Variants in LOXL2 observed in about 807,000 individuals in gnomAD.
The protein encoded by LOXL2 is lysyl oxidase like 2.
Under a neutral mutation model 93.0 loss-of-function variants are expected in LOXL2, and 70 were observed. The observed-to-expected ratio is 0.75, with a 90% CI of 0.62 to 0.92. The LOEUF is 0.92. Among genes scored for constraint, LOXL2 ranks in the 40% least tolerant of loss-of-function variants. The pLI, the probability that LOXL2 is intolerant of heterozygous loss-of-function variation, is 0.00. For missense variants in LOXL2, 973 were observed against 1,054.9 expected (o/e 0.92, Z 1.08); for synonymous variants, 438 against 413.2 (o/e 1.06, Z -0.73).
At chr8:23,391,727 A>G (rs376039723) in intron 1 of LOXL2, among the ~76,000 whole-genome samples, 140 of 152,318 alleles carry the variant, frequency 9.2e-4, no homozygotes, top group African/African-American at 3.0e-3. Context: ...TCCAGGGATT[A>G]TAGGGATGGG....
intron 11 of LOXL2, among the ~76,000 whole-genome samples, chr8:23,302,845 G>A (rs928632958): frequency 1.3e-5 from 2 of 151,782 alleles, no homozygotes; most frequent in Non-Finnish European, 1.5e-5. Flanking sequence ...CACACCTGCC[G>A]GGACGGGGGG....
intron 3 of LOXL2, among the ~76,000 whole-genome samples, chr8:23,344,701 G>T (rs192421688): frequency 6.6e-6 from 1 of 152,150 alleles, no homozygotes; most frequent in East Asian, 1.9e-4. Context: ...TGTCACATGG[G>T]TCTCTGTATG....
At chr8:23,366,407 G>T (rs1464737772) in intron 2 of LOXL2, among the ~76,000 whole-genome samples, 1 of 152,220 alleles carries the variant, frequency 6.6e-6, no homozygotes, top group Admixed American at 6.5e-5. Context: ...TCAATTGCAT[G>T]GAGGTGAGAT....
At chr8:23,382,460 T>C (rs916032115) in intron 1 of LOXL2, 2 of 143,734 alleles carry the variant, frequency 1.4e-5, no homozygotes, top group African/African-American at 5.3e-5. Flanking sequence ...AAGCTTGCAG[T>C]CAGCCAAGAT....
chr8:23,400,442 A>C (rs1246140014), intron 1 of LOXL2, among the ~76,000 whole-genome samples: 2 of 152,230 alleles, frequency 1.3e-5, no homozygotes, highest in African/African-American at 4.8e-5. Flanking sequence ...ATCTACCCCC[A>C]TGATTCAATT....
In LOXL2 at chr8:23,307,953, G is replaced by GGAAGAAAAAAA. The variant is rs58347035; in HGVS notation, c.1880+1714_1880+1715insTTTTTTTCTTC. ...GTGACTAGGTCATCAGCTGCGATAT[G>GGAAGAAAAAAA]AAAAAAAAAAAAAAAAAAAAGCCAA... On this transcript the variant is annotated intron_variant, in intron 10 of 13. Transcript: ENST00000389131. Among the ~76,000 whole-genome samples, 15 of 83,522 alleles carry GGAAGAAAAAAA rather than the reference G, an allele frequency of 1.8e-4. 1 individual carries two copies. Among genetic ancestry groups the GGAAGAAAAAAA allele is most frequent in the African/African-American group, 6.2e-4 (13 of 21,090 alleles). The allele number at this position is 83,522 out of a possible 152,430, so 54.8% of individuals were successfully genotyped here.
At position 23,317,824 on chromosome 8, in the gene LOXL2, G is replaced by A. The variant is rs1317298752; in HGVS notation, c.1471-710C>T. ...AGCAGAATTGGGATCGTCAGGTACAGAAACGGGATGAGAACACAGGTGCTG... is the reference window on the plus strand; with the variant it reads ...AGCAGAATTGGGATCGTCAGGTACAAAAACGGGATGAGAACACAGGTGCTG... On this transcript the variant is annotated intron_variant, in intron 8 of 13. Coordinates refer to ENST00000389131, the MANE Select transcript of LOXL2 (RefSeq NM_002318.3). Among the ~76,000 whole-genome samples the A allele has an allele frequency of 2.8e-4, 42 of 152,266 alleles. 1 individual carries two copies. Among genetic ancestry groups the A allele is most frequent in the Non-Finnish European group, 7.3e-5 (5 of 68,028 alleles).
chr8:23,372,053 CAAAT>C lies in LOXL2; in HGVS notation c.-83-3623_-83-3620del, dbSNP rs148549433. 1.2e-3 allele frequency among the ~76,000 whole-genome samples: 187 copies of C among 151,698 alleles called. No homozygotes were observed. The East Asian group carries it at 0.018, about 15-fold the overall frequency. Reference sequence around the variant, plus strand: ...TTAATCCAAAATTGAAGCAATAAAACAAATAAAAAGTAACATAAAACAATTGTTA... The same window carrying C: ...TTAATCCAAAATTGAAGCAATAAAACAAAAAGTAACATAAAACAATTGTTA... On this transcript the variant is annotated intron_variant, in intron 1 of 13. Coordinates refer to ENST00000389131, the MANE Select transcript of LOXL2 (RefSeq NM_002318.3).
intron 9 of LOXL2, among the ~76,000 whole-genome samples, chr8:23,316,451 G>T (rs1278159379): frequency 1.3e-5 from 2 of 152,134 alleles, no homozygotes; most frequent in African/African-American, 2.4e-5. Context: ...ATGGGAGGGA[G>T]GCTTCAGGAA....
At chr8:23,394,480 A>G (rs903397326) in intron 1 of LOXL2, among the ~76,000 whole-genome samples, 1 of 152,102 alleles carries the variant, frequency 6.6e-6, no homozygotes, top group Non-Finnish European at 1.5e-5. Context: ...AAGATATACA[A>G]ATGGCTTACA....
chr8:23,306,055 C>T (rs7831368), intron 10 of LOXL2, among the ~76,000 whole-genome samples: 4 of 152,154 alleles, frequency 2.6e-5, no homozygotes, highest in African/African-American at 7.2e-5. Context: ...AAGTGATCCA[C>T]TCGCCTCCGT....
chr8:23,362,840 A>G (rs979358293), intron 2 of LOXL2, among the ~76,000 whole-genome samples: 4 of 152,210 alleles, frequency 2.6e-5, no homozygotes, highest in African/African-American at 9.6e-5. Context: ...AGTGATTTTT[A>G]TAAGTGCCAC....
intron 3 of LOXL2, among the ~76,000 whole-genome samples, chr8:23,359,063 A>T (rs184973929): frequency 3.4e-4 from 52 of 152,090 alleles, no homozygotes; most frequent in African/African-American, 1.1e-3. Flanking sequence ...CGTGTTAGCC[A>T]GGATGGTCTC....
intron 9 of LOXL2, among the ~76,000 whole-genome samples, chr8:23,315,050 C>T (rs796981542): frequency 4.7e-4 from 72 of 152,124 alleles, no homozygotes; most frequent in African/African-American, 1.5e-3. Flanking sequence ...TTAAGTGGGA[C>T]GTGGCCTTGG....
At chr8:23,385,738 A>G (rs943145536) in intron 1 of LOXL2, 16 of 573,398 alleles carry the variant, frequency 2.8e-5, no homozygotes, top group African/African-American at 3.7e-5. Context: ...GAAATTTTAA[A>G]TTCCCTCGTA....
intron 3 of LOXL2, among the ~76,000 whole-genome samples, chr8:23,346,116 T>TTAAAATAAAA (rs1241283477): frequency 4.2e-5 from 1 of 23,792 alleles, no homozygotes; most frequent in Non-Finnish European, 8.0e-5. Flanking sequence ...TAAAATAAAA[T>TTAAAATAAAA]TAAAATAAAA....
rs578135332 is a variant in LOXL2 at position 23,402,228 on chromosome 8, G to A, written c.-84+1726C>T. Among the ~76,000 whole-genome samples, 568 of 144,836 alleles carry A rather than the reference G, an allele frequency of 3.9e-3. 1 individual carries two copies. Among genetic ancestry groups the A allele is most frequent in the African/African-American group, 0.014 (551 of 38,566 alleles). ...CTGTGTGCGCATATAAACACACACCGGTGCACACACATACACAAACACACT... is the reference window on the plus strand; with the variant it reads ...CTGTGTGCGCATATAAACACACACCAGTGCACACACATACACAAACACACT... On this transcript the variant is annotated intron_variant, in intron 1 of 13. Transcript: ENST00000389131.
chr8:23,324,038 A>C (rs1487003793), intron 6 of LOXL2, among the ~76,000 whole-genome samples: 1 of 152,084 alleles, frequency 6.6e-6, no homozygotes, highest in East Asian at 1.9e-4. Flanking sequence ...CTTGACATGA[A>C]CTCCTGGAGA....
chr8:23,307,823 G>A (rs552572981), intron 10 of LOXL2, among the ~76,000 whole-genome samples: 27 of 152,040 alleles, frequency 1.8e-4, no homozygotes, highest in African/African-American at 2.4e-4. Context: ...TAATTAGGAC[G>A]TTCAGAATAT....
Sources: allele counts gnomAD v4.1 joint callset (sites outside exome capture counted in the v4.1 genomes callset), GRCh38; gene constraint gnomAD v4.1.1; transcripts MANE v1.5; gene names NCBI Gene and HGNC (gene_info 2026-07-23, HGNC 2026-07-21).